RAB11FIP2: variants seen among roughly 807,000 people sequenced by gnomAD.
RAB11FIP2 encodes the protein RAB11 family interacting protein 2.
In RAB11FIP2, 16 loss-of-function variants were observed where a neutral mutation model predicts 40.9. That is an observed-to-expected ratio of 0.39 (90% CI 0.26 to 0.59). The LOEUF (loss-of-function observed/expected upper bound fraction) is 0.59, where lower values mean the gene tolerates loss of function less well. Ranked by LOEUF, RAB11FIP2 falls within the 20% of genes least tolerant of loss-of-function variation. The pLI, the probability that RAB11FIP2 is intolerant of heterozygous loss-of-function variation, is 0.53. For missense variants in RAB11FIP2, 532 were observed against 606.2 expected (o/e 0.88, Z 1.28); for synonymous variants, 228 against 213.7 (o/e 1.07, Z -0.58).
In RAB11FIP2 at chr10:118,045,972, G is replaced by C. The variant is rs781427223; in HGVS notation, c.192C>G (p.Ala64=). The change falls in exon 1 of 5, where the codon GCC becomes GCG. Residue 64 remains alanine, a synonymous_variant. Transcript: ENST00000355624. The stretch of plus-strand genomic sequence containing the variant: ...TTAGCAATCCAGGTAGCTCGAAAGA[G>C]GCCTCCTCCTTCCAAACTGGCTCAA... ...KTLEPVWKEE[A]SFELPGLLIQ... 1 of 1,614,196 alleles carries C rather than the reference G, an allele frequency of 6.2e-7. No homozygotes were observed. Among genetic ancestry groups the C allele is most frequent in the Non-Finnish European group, 8.5e-7 (1 of 1,180,040 alleles).
At chr10:118,009,589 G>A (rs1030339562) in intron 4 of RAB11FIP2, among the ~76,000 whole-genome samples, 3 of 152,134 alleles carry the variant, frequency 2.0e-5, no homozygotes, top group African/African-American at 7.2e-5. Flanking sequence ...CAGAGGAACT[G>A]TAAGAAGTAA....
chr10:118,025,662 T>G (rs1846334098), intron 3 of RAB11FIP2, among the ~76,000 whole-genome samples: 1 of 152,222 alleles, frequency 6.6e-6, no homozygotes, highest in Admixed American at 6.5e-5. Context: ...CATTCTGGTA[T>G]GCTAAATTCA....
intron 2 of RAB11FIP2, 80 bp downstream of exon 2, chr10:118,040,043 A>C (rs923276266): frequency 2.5e-5 from 34 of 1,373,156 alleles, no homozygotes; most frequent in Admixed American, 2.3e-5. Flanking sequence ...TGCTATTTTG[A>C]TTTACTAAAT....
chr10:118,030,696 GA>G (rs567111260), intron 3 of RAB11FIP2, among the ~76,000 whole-genome samples: 84 of 139,392 alleles, frequency 6.0e-4, no homozygotes, highest in East Asian at 1.6e-3. Context: ...AATCTCTCAA[GA>G]AAAAAAAAAA....
chr10:118,037,153 T>C (rs10886196), intron 3 of RAB11FIP2, among the ~76,000 whole-genome samples: 83,649 of 151,972 alleles, frequency 0.55, 26,917 homozygotes, highest in Non-Finnish European at 0.73. Flanking sequence ...TATTTACCCA[T>C]ATAAGATTTA....
Position 118,046,284 on chromosome 10 carries a change from C to A in RAB11FIP2, c.-121G>T, listed in dbSNP as rs940567544. ...TTAACGGAAACAGGCAGGCTCAGGG[C>A]TCCCCGACTTCCCTATGGCTGATGT... is the stretch of plus-strand genomic sequence containing the variant. On this transcript the variant is annotated 5_prime_UTR_variant, in exon 1 of 5. Coordinates refer to ENST00000355624, the MANE Select transcript of RAB11FIP2 (RefSeq NM_014904.3). The A allele has an allele frequency of 4.6e-6, 4 of 878,420 alleles. No individual in the cohort carries two copies. The highest frequency in any genetic ancestry group is 2.4e-5 in the East Asian group (1 of 40,970). 54.4% of individuals were successfully genotyped at this position (878,420 alleles called of 1,614,324 possible).
At chr10:118,033,939 G>T (rs1400128762) in intron 3 of RAB11FIP2, 1 of 701,140 alleles carries the variant, frequency 1.4e-6, no homozygotes, top group African/African-American at 1.8e-5. Flanking sequence ...TCGTCAGGTG[G>T]GCCTTCCACT....
At position 118,045,477 on chromosome 10, in the gene RAB11FIP2, T is replaced by C. The variant is rs201205544; in HGVS notation, c.353+334A>G. 2.5e-5 allele frequency: 5 copies of C among 203,002 alleles called. No homozygotes were observed. In the East Asian group the frequency reaches 5.2e-4, roughly 21 times the overall value. 12.6% of individuals were successfully genotyped at this position (203,002 alleles called of 1,614,324 possible). ...TCATTGATAATTGTAAGGTTTAAAA[T>C]CCATAACAATTTATATGAAGTTCTA... On this transcript the variant is annotated intron_variant, in intron 1 of 4. Transcript: ENST00000355624.
intron 3 of RAB11FIP2, 89 bp from the exon 4 acceptor site, chr10:118,015,199 C>T (rs1846203400): frequency 2.8e-6 from 3 of 1,083,498 alleles, no homozygotes; most frequent in Admixed American, 2.4e-5. Context: ...CATTGTAATA[C>T]AAATTTCTAA....
At chr10:118,042,591 C>T (rs1357543555) in intron 1 of RAB11FIP2, among the ~76,000 whole-genome samples, 6 of 152,246 alleles carry the variant, frequency 3.9e-5, no homozygotes, top group African/African-American at 9.6e-5. Context: ...AAAGACAATG[C>T]AAATTTTCTA....
chr10:118,015,390 A>G (rs1435596469), intron 3 of RAB11FIP2, among the ~76,000 whole-genome samples: 2 of 152,228 alleles, frequency 1.3e-5, no homozygotes, highest in Admixed American at 1.3e-4. Flanking sequence ...ACTTTTATCC[A>G]GCAAGATATT....
At chr10:118,017,187 C>T (rs1433862793) in intron 3 of RAB11FIP2, among the ~76,000 whole-genome samples, 2 of 152,272 alleles carry the variant, frequency 1.3e-5, no homozygotes, top group Non-Finnish European at 2.9e-5. Context: ...AGACTGCGTC[C>T]TCCTATGATA....
At chr10:118,022,405 T>TCTGTTAGAGG (rs1343155162) in intron 3 of RAB11FIP2, among the ~76,000 whole-genome samples, 1 of 152,176 alleles carries the variant, frequency 6.6e-6, no homozygotes, top group Non-Finnish European at 1.5e-5. Flanking sequence ...GTCAAAAAAC[T>TCTGTTAGAGG]TTTGACCTCT....
chr10:118,018,342 C>T (rs764997560), intron 3 of RAB11FIP2: 3 of 152,180 alleles, frequency 2.0e-5, no homozygotes, highest in Non-Finnish European at 2.9e-5. Flanking sequence ...TTTGGACTGC[C>T]GTCCTCATGT....
At chr10:118,035,440 C>T (rs1290918716) in intron 3 of RAB11FIP2, among the ~76,000 whole-genome samples, 1 of 152,092 alleles carries the variant, frequency 6.6e-6, no homozygotes, top group African/African-American at 2.4e-5. Flanking sequence ...CTTTATGGAT[C>T]TGTTTTCAGT....
intron 3 of RAB11FIP2, among the ~76,000 whole-genome samples, chr10:118,020,844 A>G (rs1048159908): frequency 1.1e-4 from 16 of 152,206 alleles, no homozygotes; most frequent in Non-Finnish European, 2.1e-4. Flanking sequence ...CCATTCACTT[A>G]ATAATGTAAA....
At position 118,044,535 on chromosome 10, in the gene RAB11FIP2, CTT is replaced by C. The variant is rs202059181; in HGVS notation, c.353+1274_353+1275del. Among the ~76,000 whole-genome samples, 124 of 152,128 alleles carry C rather than the reference CTT, an allele frequency of 8.2e-4. No individual in the cohort carries two copies. In the East Asian group the frequency reaches 0.022, roughly 27 times the overall value. The stretch of plus-strand genomic sequence containing the variant: ...GATATATATTAAACTTTACATTTAA[CTT>C]TTTCTCTCCTTCTAAAATATTTTCA... On this transcript the variant is annotated intron_variant, in intron 1 of 4. Coordinates refer to ENST00000355624, the MANE Select transcript of RAB11FIP2 (RefSeq NM_014904.3).
intron 3 of RAB11FIP2, among the ~76,000 whole-genome samples, chr10:118,035,031 A>T (rs1846464264): frequency 6.6e-6 from 1 of 152,110 alleles, no homozygotes; most frequent in South Asian, 2.1e-4. Flanking sequence ...AGTAATGCAT[A>T]CTGCACTAGG....
chr10:118,024,559 T>A (rs1222128254), intron 3 of RAB11FIP2, among the ~76,000 whole-genome samples: 3 of 149,068 alleles, frequency 2.0e-5, no homozygotes, highest in Non-Finnish European at 4.4e-5. Flanking sequence ...GCAGGAGTGA[T>A]GACAGCAAGG....
Sources: allele counts gnomAD v4.1 joint callset (sites outside exome capture counted in the v4.1 genomes callset), GRCh38; gene constraint gnomAD v4.1.1; transcripts MANE v1.5; gene names NCBI Gene and HGNC (gene_info 2026-07-23, HGNC 2026-07-21).